CEP152: variants seen among roughly 807,000 people sequenced by gnomAD.
CEP152 encodes the protein centrosomal protein of 152 kDa.
A neutral mutation model predicts 188.9 loss-of-function variants in CEP152; 132 were observed. That is an observed-to-expected ratio of 0.70 (90% CI 0.61 to 0.81). CEP152 has a LOEUF of 0.81. Ranked by LOEUF, CEP152 falls within the 30% of genes least tolerant of loss-of-function variation. The pLI, the probability that CEP152 is intolerant of heterozygous loss-of-function variation, is 0.00. For synonymous variants in CEP152, 649 were observed against 666.6 expected (o/e 0.97, Z 0.41); for missense variants, 1,914 against 1,969.8 (o/e 0.97, Z 0.54).
chr15:48,751,568 G>A (rs12101657), intron 21 of CEP152, among the ~76,000 whole-genome samples: 3,396 of 152,296 alleles, frequency 0.022, 53 homozygotes, highest in Non-Finnish European at 0.034. Flanking sequence ...TATTTACTTA[G>A]TAGGTATGAC....
chr15:48,788,691 A>G (rs1896820958), intron 9 of CEP152, 110 bp downstream of exon 9: 1 of 1,082,274 alleles, frequency 9.2e-7, no homozygotes, highest in Admixed American at 1.7e-5. Flanking sequence ...ACAATCTAAC[A>G]TTTACTACAA....
At chr15:48,775,869 T>C (rs1388816989) in intron 12 of CEP152, among the ~76,000 whole-genome samples, 1 of 152,078 alleles carries the variant, frequency 6.6e-6, no homozygotes, top group East Asian at 1.9e-4. Flanking sequence ...CTGAGCTGTA[T>C]TCTTTAAGTG....
At chr15:48,805,433 G>A in intron 2 of CEP152, 130 bp downstream of exon 2, 5 of 1,249,578 alleles carry the variant, frequency 4.0e-6, no homozygotes, top group Non-Finnish European at 5.4e-6. Flanking sequence ...GCAGATTTTA[G>A]GGTTGTTTTT....
At chr15:48,808,105 T>C (rs1053250005) in intron 1 of CEP152, among the ~76,000 whole-genome samples, 26 of 151,988 alleles carry the variant, frequency 1.7e-4, no homozygotes, top group African/African-American at 5.3e-4. Context: ...CCTGATCAAC[T>C]TAATGTGGTT....
At chr15:48,765,951 C>T (rs564288905) in intron 17 of CEP152, among the ~76,000 whole-genome samples, 10 of 152,144 alleles carry the variant, frequency 6.6e-5, no homozygotes, top group South Asian at 2.1e-4. Flanking sequence ...TGTGCCCGGC[C>T]GCCAATTTTT....
intron 2 of CEP152, among the ~76,000 whole-genome samples, chr15:48,800,435 T>C (rs1350214261): frequency 6.6e-6 from 1 of 152,154 alleles, no homozygotes. Flanking sequence ...TTTCCCAGGA[T>C]CAAAGTGTGC....
At chr15:48,729,855 T>G (rs1466656732) in intron 2 of CEP152, 1 of 151,944 alleles carries the variant, frequency 6.6e-6, no homozygotes, top group African/African-American at 2.4e-5. Flanking sequence ...CTACAGATTA[T>G]GAAGATTTTC....
rs115249041 is a variant in CEP152 at position 48,795,333 on chromosome 15, A to G, written c.691+677T>C. 3.5e-3 allele frequency among the ~76,000 whole-genome samples: 529 copies of G among 152,316 alleles called. 3 individuals are homozygous for G. The highest frequency in any genetic ancestry group is 0.012 in the African/African-American group (500 of 41,578). ...CTGATATCTAAGTAATTCTGAATAT[A>G]AACTAATTTATATCAGAGTTGACTA... is the stretch of plus-strand genomic sequence containing the variant. On this transcript the variant is annotated intron_variant, in intron 6 of 26. Coordinates refer to ENST00000380950, the MANE Select transcript of CEP152 (RefSeq NM_001194998.2).
chr15:48,788,865 T>C lies in CEP152; in HGVS notation c.1109A>G (p.Tyr370Cys). Residue 370 changes from tyrosine to cysteine, a missense_variant, in exon 9 of 27, where the codon TAC becomes TGC. Coordinates refer to ENST00000380950, the MANE Select transcript of CEP152 (RefSeq NM_001194998.2). ...ESIVMGLTKKYEEQVLSLQKN... is the reference protein window; with the variant it reads ...ESIVMGLTKKCEEQVLSLQKN... Reference sequence around the variant, plus strand: ...TTGTAAGGACAATACTTGCTCTTCGTACTTCTTTGTGAGGCCCATAACAAT... The same window carrying C: ...TTGTAAGGACAATACTTGCTCTTCGCACTTCTTTGTGAGGCCCATAACAAT... 2 of 1,614,242 alleles carry C rather than the reference T, an allele frequency of 1.2e-6. No homozygotes were observed. The highest frequency in any genetic ancestry group is 8.5e-7 in the Non-Finnish European group (1 of 1,180,038).
At chr15:48,777,629 G>T (rs558081868) in intron 12 of CEP152, among the ~76,000 whole-genome samples, 3 of 151,810 alleles carry the variant, frequency 2.0e-5, no homozygotes, top group African/African-American at 7.2e-5. Flanking sequence ...TTTGTAAGTA[G>T]TCTGTCTATA....
intron 1 of CEP152, among the ~76,000 whole-genome samples, chr15:48,807,334 T>C (rs936358040): frequency 3.9e-5 from 6 of 152,192 alleles, no homozygotes; most frequent in African/African-American, 1.4e-4. Context: ...GTCTCTAGAT[T>C]TTTTTCCACT....
At chr15:48,799,035 T>C (rs1897507323) in intron 2 of CEP152, among the ~76,000 whole-genome samples, 1 of 152,170 alleles carries the variant, frequency 6.6e-6, no homozygotes, top group South Asian at 2.1e-4. Flanking sequence ...ATTACTTCTC[T>C]TTAAGAAACT....
rs562411494 is a variant in CEP152 at position 48,792,128 on chromosome 15, G to A, written c.833-752C>T. Among the ~76,000 whole-genome samples the A allele has an allele frequency of 6.6e-5, 10 of 152,118 alleles. No individual in the cohort carries two copies. In the South Asian group the frequency reaches 2.1e-3, roughly 32 times the overall value. Reference sequence around the variant, plus strand: ...CTGCCTCAGCCTCCTGAGTAGCTGGGACTACTGGCGCCACCACACACCCAG... The same window carrying A: ...CTGCCTCAGCCTCCTGAGTAGCTGGAACTACTGGCGCCACCACACACCCAG... On this transcript the variant is annotated intron_variant, in intron 7 of 26. Coordinates refer to ENST00000380950, the MANE Select transcript of CEP152 (RefSeq NM_001194998.2).
At chr15:48,746,913 A>C (rs1893479222) in intron 22 of CEP152, among the ~76,000 whole-genome samples, 1 of 152,228 alleles carries the variant, frequency 6.6e-6, no homozygotes, top group Non-Finnish European at 1.5e-5. Flanking sequence ...TTAGCCAGCC[A>C]AATGAGATCA....
Position 48,738,936 on chromosome 15 carries a change from GAGT to G in CEP152, c.4443_4445del (p.Leu1482del). 1 of 1,614,086 alleles carries G rather than the reference GAGT, an allele frequency of 6.2e-7. No individual in the cohort carries two copies. The highest frequency in any genetic ancestry group is 8.5e-7 in the Non-Finnish European group (1 of 1,179,958). ...GAAGTGATTCAGAACCATTATCACT[GAGT>G]AGGTCTTTCTTCTTGTGCAAACCAA... On this transcript the variant is annotated inframe_deletion, in exon 27 of 27. Coordinates refer to ENST00000380950, the MANE Select transcript of CEP152 (RefSeq NM_001194998.2).
downstream of CEP152, among the ~76,000 whole-genome samples, chr15:48,735,957 G>C (rs1892580964): frequency 6.6e-6 from 1 of 152,056 alleles, no homozygotes. Context: ...GGAATGAAAG[G>C]GGGACATCAT....
At chr15:48,734,396 T>TAA (rs571173931), downstream of CEP152, among the ~76,000 whole-genome samples, 1 of 135,096 alleles carries the variant, frequency 7.4e-6, no homozygotes, top group Admixed American at 7.3e-5. Flanking sequence ...GAAAAATAGC[T>TAA]AAAAAAAAAA....
At chr15:48,765,990 T>C (rs546592588) in intron 17 of CEP152, among the ~76,000 whole-genome samples, 2 of 151,600 alleles carry the variant, frequency 1.3e-5, no homozygotes, top group African/African-American at 4.9e-5. Flanking sequence ...CACTAGTGAT[T>C]TCCCTATTTT....
At chr15:48,804,281 T>A (rs1421560659) in intron 2 of CEP152, among the ~76,000 whole-genome samples, 7 of 152,250 alleles carry the variant, frequency 4.6e-5, no homozygotes, top group Admixed American at 4.6e-4. Context: ...AGATTCAATT[T>A]TTTAAAAGCA....
Sources: gnomAD v4.1 joint callset for allele counts (sites outside exome capture counted in the v4.1 genomes callset) on GRCh38, gnomAD v4.1.1 for gene constraint, MANE v1.5 for transcripts, NCBI Gene and HGNC (gene_info 2026-07-23, HGNC 2026-07-21) for gene names.